Variants in SPMAP2 observed in about 807,000 individuals in gnomAD.
SPMAP2 encodes sperm microtubule associated protein 2, also known as Theg homolog.
At chr19:375,993 C>G in the SPMAP2 span, 1 of 1,383,826 alleles carries the variant, frequency 7.2e-7, no homozygotes, top group East Asian at 2.7e-5. Context: ...TCCCAGCCCC[C>G]GCGGCCTCAC....
the SPMAP2 span, among the ~76,000 whole-genome samples, chr19:370,481 A>G: frequency 6.7e-6 from 1 of 150,152 alleles, no homozygotes; most frequent in Non-Finnish European, 1.5e-5. Context: ...AGTTGGGACT[A>G]CAGGCGCCCG....
chr19:362,524 G>T, the SPMAP2 span: 1 of 973,272 alleles, frequency 1.0e-6, no homozygotes, highest in Non-Finnish European at 1.5e-6. Context: ...TCCCAGCACT[G>T]TGGAAGGCTG....
At chr19:367,944 T>A in the SPMAP2 span, among the ~76,000 whole-genome samples, 1 of 152,106 alleles carries the variant, frequency 6.6e-6, no homozygotes, top group Admixed American at 6.5e-5. Context: ...TCATTTATGG[T>A]CACGAACACC....
chr19:373,417 C>A, the SPMAP2 span: 1 of 1,589,002 alleles, frequency 6.3e-7, no homozygotes, highest in South Asian at 1.1e-5. Flanking sequence ...GGCAGGTTCC[C>A]TGGAGGCCGG....
At chr19:373,659 A>G in the SPMAP2 span, 5 of 828,600 alleles carry the variant, frequency 6.0e-6, no homozygotes, top group Non-Finnish European at 5.9e-6. Context: ...GGGGTAGGCC[A>G]GAGAAGGACA....
the SPMAP2 span, among the ~76,000 whole-genome samples, chr19:375,203 G>A: frequency 7.2e-5 from 11 of 152,156 alleles, no homozygotes; most frequent in East Asian, 1.9e-4. Flanking sequence ...TGGCCGAAGC[G>A]TCAGTTCACC....
At chr19:375,635 C>A in the SPMAP2 span, 7 of 1,526,260 alleles carry the variant, frequency 4.6e-6, no homozygotes, top group Non-Finnish European at 6.2e-6. Flanking sequence ...CCCACCGCAC[C>A]CAGGCAGGCC....
At chr19:375,639 G>A in the SPMAP2 span, 1 of 1,532,598 alleles carries the variant, frequency 6.5e-7, no homozygotes, top group Non-Finnish European at 8.8e-7. Flanking sequence ...CCGCACCCAG[G>A]CAGGCCCGTT....
chr19:371,722 G>A, the SPMAP2 span, among the ~76,000 whole-genome samples: 9 of 152,220 alleles, frequency 5.9e-5, no homozygotes, highest in Non-Finnish European at 1.2e-4. Context: ...CCCAAGGGAT[G>A]AAAGTGTCTG....
At chr19:365,639 C>T in the SPMAP2 span, among the ~76,000 whole-genome samples, 73 of 141,254 alleles carry the variant, frequency 5.2e-4, no homozygotes, top group East Asian at 0.016. Context: ...CGAGCACACA[C>T]AGCCACACAC....
At chr19:374,317 C>G in the SPMAP2 span, 1 of 1,614,112 alleles carries the variant, frequency 6.2e-7, no homozygotes, top group Admixed American at 1.7e-5. Flanking sequence ...CAGGACTTGC[C>G]AGTTTATCTT....
the SPMAP2 span, among the ~76,000 whole-genome samples, chr19:373,174 C>A: frequency 1.3e-5 from 2 of 152,136 alleles, no homozygotes; most frequent in African/African-American, 4.8e-5. Context: ...TCTATGATAC[C>A]TCAATACCAA....
the SPMAP2 span, chr19:374,413 G>GAC: frequency 1.2e-6 from 2 of 1,614,076 alleles, no homozygotes; most frequent in Middle Eastern, 3.3e-4. Context: ...CTGGCTGATG[G>GAC]ACAGCCGGCT....
the SPMAP2 span, chr19:367,166 A>T: frequency 4.0e-5 from 65 of 1,610,256 alleles, no homozygotes; most frequent in Non-Finnish European, 5.3e-5. Context: ...CGGCTTTGAC[A>T]ACTGGAGGAT....
the SPMAP2 span, chr19:374,310 G>C: frequency 1.2e-6 from 2 of 1,614,038 alleles, no homozygotes; most frequent in Non-Finnish European, 1.7e-6. Context: ...TGTCTTTCAG[G>C]ACTTGCCAGT....
the SPMAP2 span, among the ~76,000 whole-genome samples, chr19:370,909 G>A: frequency 3.3e-5 from 5 of 152,200 alleles, no homozygotes; most frequent in African/African-American, 4.8e-5. Flanking sequence ...CCAGGAGTCC[G>A]GCCTGAGCTG....
chr19:373,814 A>G, the SPMAP2 span: 1 of 930,518 alleles, frequency 1.1e-6, no homozygotes, highest in South Asian at 1.5e-5. Context: ...GGAGAGCCCC[A>G]CATCTGAGGA....
chr19:374,364 C>A, the SPMAP2 span: 1 of 1,614,138 alleles, frequency 6.2e-7, no homozygotes, highest in Non-Finnish European at 8.5e-7. Flanking sequence ...TCCGCCTCCT[C>A]CTCTTCCTTG....
the SPMAP2 span, chr19:374,385 G>A: frequency 2.5e-6 from 4 of 1,614,144 alleles, no homozygotes; most frequent in East Asian, 2.2e-5. Context: ...CTTTGGTCAT[G>A]GTGGTGCTGG....
Sources: allele counts gnomAD v4.1 joint callset (sites outside exome capture counted in the v4.1 genomes callset), GRCh38; gene constraint gnomAD v4.1.1; transcripts MANE v1.5; gene names NCBI Gene and HGNC (gene_info 2026-07-23, HGNC 2026-07-21).